The following ATAD3B variants were observed in gnomAD, a reference collection of about 807,000 sequenced individuals.
ATAD3B encodes the protein ATPase family AAA domain containing 3B.
ATAD3B carries 59 observed loss-of-function variants against 70.2 expected under a neutral mutation model. The observed-to-expected ratio is 0.84, with a 90% CI of 0.68 to 1.04. ATAD3B has a LOEUF of 1.04. ATAD3B is among the 50% of genes least tolerant of loss of function. The probability of loss-of-function intolerance (pLI) is 0.00; values close to 1 mark genes in which losing one functional copy is unlikely to be tolerated. For synonymous variants in ATAD3B, 423 were observed against 388.6 expected (o/e 1.09, Z -1.04); for missense variants, 961 against 913.4 (o/e 1.05, Z -0.67).
chr1:1,482,066 C>T (rs1283688340), intron 5 of ATAD3B, 72 bp from the exon 6 acceptor site: 22 of 1,550,314 alleles, frequency 1.4e-5, no homozygotes, highest in Middle Eastern at 4.6e-4. Context: ...TGGCGTGGGC[C>T]GGTCCACAGT....
downstream of ATAD3B, among the ~76,000 whole-genome samples, chr1:1,502,423 C>G (rs537898369): frequency 1.5e-4 from 23 of 150,334 alleles, 2 homozygotes; most frequent in South Asian, 2.1e-3. Flanking sequence ...ACCATGTTAG[C>G]CAGGATGATC....
At chr1:1,479,526 A>G (rs938139118) in intron 4 of ATAD3B, among the ~76,000 whole-genome samples, 3 of 114,560 alleles carry the variant, frequency 2.6e-5, no homozygotes, top group African/African-American at 1.0e-4. Context: ...CCGCAAACAC[A>G]CCCCCACACA....
At chr1:1,500,529 G>A (rs1640920429), downstream of ATAD3B, among the ~76,000 whole-genome samples, 2 of 144,094 alleles carry the variant, frequency 1.4e-5, no homozygotes, top group African/African-American at 2.5e-5. Flanking sequence ...TCCAGTCTCT[G>A]GGGGACAGAG....
In ATAD3B at chr1:1,483,036, T is replaced by G. The variant is rs141003108; in HGVS notation, c.750+422T>G. On this transcript the variant is annotated intron_variant, in intron 7 of 15. Coordinates refer to ENST00000673477, the MANE Select transcript of ATAD3B (RefSeq NM_031921.6). ...TGGCCAGGCGGTAGTGGCTCAGGCCTGTAATCCCAGCATTTTCGGAGGCGG... is the reference window on the plus strand; with the variant it reads ...TGGCCAGGCGGTAGTGGCTCAGGCCGGTAATCCCAGCATTTTCGGAGGCGG... 681 of 456,234 alleles carry G rather than the reference T, an allele frequency of 1.5e-3. 5 individuals are homozygous for G. Among genetic ancestry groups the G allele is most frequent in the African/African-American group, 0.012 (598 of 50,012 alleles). 28.3% of individuals were successfully genotyped at this position (456,234 alleles called of 1,614,324 possible).
At chr1:1,495,168 G>T (rs1640716587) in intron 15 of ATAD3B, among the ~76,000 whole-genome samples, 1 of 152,052 alleles carries the variant, frequency 6.6e-6, no homozygotes, top group African/African-American at 2.4e-5. Flanking sequence ...ACTCGCAGAG[G>T]GTCTGCAGTT....
Position 1,486,278 on chromosome 1 carries a change from G to T in ATAD3B, c.1089+43G>T, listed in dbSNP as rs368583101. ...AACAGGTGGGCCAGGGGCCGCTGGG[G>T]TCTCACCTGCCTGCAGGTGTCTGGG... On this transcript the variant is annotated intron_variant, in intron 10 of 15. Coordinates refer to ENST00000673477, the MANE Select transcript of ATAD3B (RefSeq NM_031921.6). 5,057 of 1,611,392 alleles carry T rather than the reference G, an allele frequency of 3.1e-3. 76 individuals carry two copies. Among genetic ancestry groups the T allele is most frequent in the Non-Finnish European group, 3.9e-3 (4,593 of 1,179,448 alleles).
Position 1,482,486 on chromosome 1 carries a change from C to T in ATAD3B, c.681-59C>T, listed in dbSNP as rs1174004657. On this transcript the variant is annotated intron_variant, in intron 6 of 15. Transcript: ENST00000673477. ...GTCAGGGCCTCACCCTCAACCTGCT[C>T]TCGCTGCGTGGTACGGATCTTCGTG... 4.2e-5 allele frequency: 67 copies of T among 1,612,630 alleles called. 2 individuals carry two copies. Among genetic ancestry groups the T allele is most frequent in the Non-Finnish European group, 5.4e-5 (64 of 1,179,100 alleles).
intron 15 of ATAD3B, among the ~76,000 whole-genome samples, chr1:1,494,051 C>A (rs762030840): frequency 6.6e-6 from 1 of 151,972 alleles, no homozygotes. Flanking sequence ...TCTCTTTGAC[C>A]TTTTATAGCT....
At chr1:1,494,102 A>T (rs1640661824) in intron 15 of ATAD3B, among the ~76,000 whole-genome samples, 1 of 152,048 alleles carries the variant, frequency 6.6e-6, no homozygotes, top group South Asian at 2.1e-4. Flanking sequence ...AGGGTAGCAC[A>T]GAGAGCTCCC....
In ATAD3B at chr1:1,495,812, T is replaced by G. The variant is rs1640762004; in HGVS notation, c.1942T>G (p.Leu648Val). ...RPFCPPGHPL[L>V] ...GTTCTGCCCCCCAGGGCACCCCCTGTTGTAGGCACTGGCTAGGGAGGGGCA... is the reference window on the plus strand; with the variant it reads ...GTTCTGCCCCCCAGGGCACCCCCTGGTGTAGGCACTGGCTAGGGAGGGGCA... Residue 648 changes from leucine (L) to valine (V), a missense_variant, in exon 16 of 16, where the codon TTG (leucine) becomes GTG (valine). By Grantham distance (32) the Leu-to-Val change is conservative. Coordinates refer to ENST00000673477, the MANE Select transcript of ATAD3B (RefSeq NM_031921.6). The G allele has an allele frequency of 1.3e-6, 2 of 1,576,088 alleles. No homozygotes were observed. Among genetic ancestry groups the G allele is most frequent in the African/African-American group, 1.3e-5 (1 of 74,082 alleles).
At chr1:1,508,625 G>A in the ATAD3B span, among the ~76,000 whole-genome samples, 1 of 151,564 alleles carries the variant, frequency 6.6e-6, no homozygotes, top group South Asian at 2.1e-4. Flanking sequence ...GACCTGTCTG[G>A]CAGAAAGGCT....
intron 7 of ATAD3B, 66 bp from the exon 8 acceptor site, chr1:1,484,950 G>C (rs1640120749): frequency 1.3e-6 from 2 of 1,535,932 alleles, no homozygotes; most frequent in Admixed American, 1.9e-5. Context: ...GCAGCCCCGT[G>C]CGTCTCCTGC....
At chr1:1,491,549 G>C (rs1272476001) in intron 15 of ATAD3B, among the ~76,000 whole-genome samples, 3 of 151,826 alleles carry the variant, frequency 2.0e-5, no homozygotes, top group African/African-American at 7.2e-5. Context: ...GAAAGCTTTG[G>C]TCTTTGGGGG....
chr1:1,472,115 C>T (rs1432267168), intron 1 of ATAD3B, 26 bp downstream of exon 1: 7 of 211,818 alleles, frequency 3.3e-5, no homozygotes, highest in African/African-American at 2.2e-4. Context: ...CGGGGCGGGG[C>T]GGGCGGGCGG....
downstream of ATAD3B, among the ~76,000 whole-genome samples, chr1:1,498,775 G>A (rs984533944): frequency 4.8e-5 from 7 of 146,566 alleles, no homozygotes; most frequent in South Asian, 1.1e-3. Flanking sequence ...AGATCTCGGC[G>A]GCTCACTGTG....
At chr1:1,485,656 G>A (rs1484077004) in intron 8 of ATAD3B, 126 bp from the exon 9 acceptor site, 30 of 1,458,620 alleles carry the variant, frequency 2.1e-5, no homozygotes, top group Middle Eastern at 4.7e-4. Context: ...TTCCAGCTCC[G>A]GGCCGGTCCT....
chr1:1,502,578 C>A (rs1640968965), downstream of ATAD3B, among the ~76,000 whole-genome samples: 1 of 135,856 alleles, frequency 7.4e-6, no homozygotes. Context: ...GTGGCACGAT[C>A]TTGTCTCACT....
At chr1:1,497,857 T>TA (rs74412160), downstream of ATAD3B, 2,046 of 113,594 alleles carry the variant, frequency 0.018, 75 homozygotes, top group African/African-American at 0.055. Flanking sequence ...CAGAACTGTT[T>TA]AAAAAAAAAA....
intron 12 of ATAD3B, among the ~76,000 whole-genome samples, chr1:1,488,412 G>T (rs560495411): frequency 6.6e-6 from 1 of 152,086 alleles, no homozygotes; most frequent in African/African-American, 2.4e-5. Context: ...AACGTTAGTA[G>T]AGATGGAGTT....
Sources: allele counts gnomAD v4.1 joint callset (sites outside exome capture counted in the v4.1 genomes callset), GRCh38; gene constraint gnomAD v4.1.1; transcripts MANE v1.5; gene names NCBI Gene and HGNC (gene_info 2026-07-23, HGNC 2026-07-21).